Variants in NETO1 observed in about 807,000 individuals in gnomAD.
The protein encoded by NETO1 is neuropilin and tolloid-like protein 1.
NETO1 carries 26 observed loss-of-function variants against 61.3 expected under a neutral mutation model. That is an observed-to-expected ratio of 0.42 (90% CI 0.31 to 0.59). The LOEUF (loss-of-function observed/expected upper bound fraction) is 0.59, where lower values mean the gene tolerates loss of function less well. Ranked by LOEUF, NETO1 falls within the 20% of genes least tolerant of loss-of-function variation. NETO1 has a pLI of 0.12. For synonymous variants in NETO1, 225 were observed against 225.8 expected, an observed-to-expected ratio of 1.00 and a Z score of 0.03; for missense variants, 531 against 662.8, an observed-to-expected ratio of 0.80 and a Z score of 2.18.
At chr18:72,752,907 G>A (rs576934931) in intron 8 of NETO1, among the ~76,000 whole-genome samples, 4 of 152,128 alleles carry the variant, frequency 2.6e-5, no homozygotes, top group Admixed American at 2.0e-4. Context: ...TCAGCTGGAA[G>A]AAGAAAGTAT....
At chr18:72,839,111 G>T (rs1446031845) in intron 4 of NETO1, among the ~76,000 whole-genome samples, 1 of 152,134 alleles carries the variant, frequency 6.6e-6, no homozygotes, top group Non-Finnish European at 1.5e-5. Context: ...TCAAAAGAAA[G>T]TTAATAAAAT....
At chr18:72,758,758 C>T (rs2070871698) in intron 7 of NETO1, among the ~76,000 whole-genome samples, 1 of 152,208 alleles carries the variant, frequency 6.6e-6, no homozygotes, top group East Asian at 1.9e-4. Context: ...ATCACCTGAA[C>T]CTGGGAGGTG....
chr18:72,809,291 A>G (rs548915045), intron 4 of NETO1, among the ~76,000 whole-genome samples: 1 of 152,350 alleles, frequency 6.6e-6, no homozygotes, highest in Non-Finnish European at 1.5e-5. Context: ...AACAGACTCA[A>G]AACCCAAATG....
At chr18:72,768,425 C>T (rs1383395010) in intron 7 of NETO1, among the ~76,000 whole-genome samples, 1 of 151,982 alleles carries the variant, frequency 6.6e-6, no homozygotes, top group African/African-American at 2.4e-5. Context: ...AGTCAAAGAC[C>T]CCATCAGCTT....
chr18:72,743,304 CACT>C (rs2070369888), downstream of NETO1, among the ~76,000 whole-genome samples: 2 of 152,140 alleles, frequency 1.3e-5, no homozygotes, highest in South Asian at 4.1e-4. Context: ...TTTCTCCCTG[CACT>C]ACTATTTGAC....
chr18:72,807,557 C>G (rs1052385887), intron 4 of NETO1, among the ~76,000 whole-genome samples: 4 of 152,124 alleles, frequency 2.6e-5, no homozygotes, highest in African/African-American at 9.7e-5. Flanking sequence ...TAGGCTTTTA[C>G]AATGTTTACT....
At chr18:72,835,287 C>T (rs762370587) in intron 4 of NETO1, 3 of 1,589,474 alleles carry the variant, frequency 1.9e-6, no homozygotes, top group Non-Finnish European at 1.7e-6. Flanking sequence ...ACGAAACACT[C>T]TGTAGATCCT....
At chr18:72,755,246 G>A (rs1489729242) in intron 8 of NETO1, among the ~76,000 whole-genome samples, 3 of 152,162 alleles carry the variant, frequency 2.0e-5, no homozygotes, top group African/African-American at 7.2e-5. Context: ...CAACAAAATA[G>A]TTGATAGTGT....
rs552189324 is a variant in NETO1 at position 72,774,409 on chromosome 18, T to C, written c.868+9269A>G. On this transcript the variant is annotated intron_variant, in intron 7 of 10. Transcript: ENST00000327305. ...TCCTATCATAATTGGTTATGAATTATCTATGTGTATTCAAAATTAAAATTA... is the reference window on the plus strand; with the variant it reads ...TCCTATCATAATTGGTTATGAATTACCTATGTGTATTCAAAATTAAAATTA... 5.9e-5 allele frequency among the ~76,000 whole-genome samples: 9 copies of C among 152,328 alleles called. No homozygotes were observed. The East Asian group carries it at 1.7e-3, about 29-fold the overall frequency.
intron 6 of NETO1, among the ~76,000 whole-genome samples, chr18:72,785,056 A>C (rs1027897239): frequency 6.6e-6 from 1 of 152,234 alleles, no homozygotes; most frequent in African/African-American, 2.4e-5. Flanking sequence ...TTTCATACAG[A>C]TATCTCCTGA....
intron 4 of NETO1, among the ~76,000 whole-genome samples, chr18:72,849,144 T>A (rs905955506): frequency 6.6e-6 from 1 of 152,244 alleles, no homozygotes; most frequent in Non-Finnish European, 1.5e-5. Context: ...CTCTAAGGCA[T>A]GCTTTTCCAA....
At chr18:72,841,800 A>G (rs1362709413) in intron 4 of NETO1, among the ~76,000 whole-genome samples, 1 of 151,660 alleles carries the variant, frequency 6.6e-6, no homozygotes, top group East Asian at 1.9e-4. Context: ...AAATGGAACA[A>G]TCACAGGTCC....
intron 7 of NETO1, among the ~76,000 whole-genome samples, chr18:72,775,512 A>C (rs889684350): frequency 3.9e-5 from 6 of 152,206 alleles, no homozygotes; most frequent in Non-Finnish European, 5.9e-5. Context: ...CTTGAGAGCC[A>C]TGTGAACGTG....
chr18:72,761,064 GATGT>G (rs1363381553), intron 7 of NETO1, among the ~76,000 whole-genome samples: 3 of 151,992 alleles, frequency 2.0e-5, no homozygotes, highest in East Asian at 1.9e-4. Flanking sequence ...AAAATGTTAA[GATGT>G]ATGACATAAA....
At chr18:72,849,658 T>A (rs1318903607) in intron 4 of NETO1, among the ~76,000 whole-genome samples, 1 of 152,244 alleles carries the variant, frequency 6.6e-6, no homozygotes, top group Non-Finnish European at 1.5e-5. Flanking sequence ...TAAAATCAAG[T>A]ATTTGTTTCT....
intron 7 of NETO1, among the ~76,000 whole-genome samples, chr18:72,759,767 T>C (rs1415363587): frequency 3.3e-5 from 5 of 152,204 alleles, no homozygotes; most frequent in Non-Finnish European, 5.9e-5. Context: ...ATAAGACTTA[T>C]TCTACTTACG....
intron 4 of NETO1, among the ~76,000 whole-genome samples, chr18:72,857,774 A>T (rs2074450413): frequency 6.6e-6 from 1 of 152,140 alleles, no homozygotes; most frequent in African/African-American, 2.4e-5. Flanking sequence ...TTAAAACCAC[A>T]ATCCTTTAGT....
intron 4 of NETO1, among the ~76,000 whole-genome samples, chr18:72,850,876 C>A (rs1440357158): frequency 6.6e-6 from 1 of 152,158 alleles, no homozygotes; most frequent in African/African-American, 2.4e-5. Context: ...AGCAAGGCCT[C>A]TACCATTCCA....
At chr18:72,821,123 T>C (rs542361788) in intron 4 of NETO1, among the ~76,000 whole-genome samples, 1 of 151,570 alleles carries the variant, frequency 6.6e-6, no homozygotes, top group South Asian at 2.1e-4. Context: ...AGCTTCCTAA[T>C]CTTGGAACAG....
Sources: gnomAD v4.1 joint callset for allele counts (sites outside exome capture counted in the v4.1 genomes callset) on GRCh38, gnomAD v4.1.1 for gene constraint, MANE v1.5 for transcripts, NCBI Gene and HGNC (gene_info 2026-07-23, HGNC 2026-07-21) for gene names.